GCA: variants seen among roughly 807,000 people sequenced by gnomAD.
The protein encoded by GCA is grancalcin, EF-hand calcium-binding protein.
In GCA, 30 loss-of-function variants were observed where a neutral mutation model predicts 32.6. The observed-to-expected ratio is 0.92, with a 90% CI of 0.69 to 1.25. The LOEUF (loss-of-function observed/expected upper bound fraction) is 1.25. GCA is among the 50% of genes most tolerant of loss of function. The pLI, the probability that GCA is intolerant of heterozygous loss-of-function variation, is 0.00. For missense variants in GCA, 291 were observed against 266.8 expected (o/e 1.09, Z -0.63); for synonymous variants, 102 against 84.6 (o/e 1.21, Z -1.13).
intron 1 of GCA, among the ~76,000 whole-genome samples, chr2:162,338,943 C>G (rs1359502779): frequency 1.3e-5 from 2 of 152,118 alleles, no homozygotes; most frequent in Non-Finnish European, 2.9e-5. Flanking sequence ...GCCTTGTTAA[C>G]AATTTTATGC....
Position 162,356,881 on chromosome 2 carries a change from T to C in GCA, c.430T>C (p.Leu144=), listed in dbSNP as rs1423271658. 9.9e-6 allele frequency: 16 copies of C among 1,609,174 alleles called. No homozygotes were observed. Among genetic ancestry groups the C allele is most frequent in the Admixed American group, 5.0e-5 (3 of 59,866 alleles). ...DGSGTVEHHE[L]RQAIGLMGYR... ...AAGTGGCACAGTAGAACATCATGAG[T>C]TGCGTCAAGCCATTGGTCTTATGGG... The change falls in exon 5 of 8, where the codon TTG becomes CTG. Residue 144 remains leucine, a synonymous_variant. Transcript: ENST00000437150.
chr2:162,320,055 A>G (rs773825995), intron 1 of GCA, among the ~76,000 whole-genome samples: 2 of 152,236 alleles, frequency 1.3e-5, no homozygotes, highest in Non-Finnish European at 2.9e-5. Flanking sequence ...ATATATTTAC[A>G]TAGTAACTAG....
At position 162,361,649 on chromosome 2, in the gene GCA, A is replaced by G. The variant is rs1376800204; in HGVS notation, c.*1406A>G. On this transcript the variant is annotated 3_prime_UTR_variant, in exon 8 of 8. Transcript: ENST00000437150. The stretch of plus-strand genomic sequence containing the variant: ...AGTCACTTGACACTGATAATTTTAT[A>G]TAATTTGCTGTCAAATTCACTTGGT... The G allele has an allele frequency of 2.0e-6, 2 of 984,292 alleles. No individual in the cohort carries two copies. Among genetic ancestry groups the G allele is most frequent in the Non-Finnish European group, 2.4e-6 (2 of 829,056 alleles). 61.0% of individuals were successfully genotyped at this position (984,292 alleles called of 1,614,324 possible).
chr2:162,357,119 A>C, intron 5 of GCA: 1 of 423,868 alleles, frequency 2.4e-6, no homozygotes, highest in Non-Finnish European at 4.3e-6. Flanking sequence ...TCTTCCATAC[A>C]TGCATACATT....
intron 2 of GCA, among the ~76,000 whole-genome samples, chr2:162,348,978 A>G (rs1576286079): frequency 1.3e-5 from 2 of 151,766 alleles, no homozygotes; most frequent in East Asian, 3.9e-4. Flanking sequence ...AAATTCCTAA[A>G]GGTTTCTTTT....
intron 1 of GCA, among the ~76,000 whole-genome samples, chr2:162,336,640 A>C (rs1166205356): frequency 4.0e-5 from 6 of 151,882 alleles, no homozygotes; most frequent in Non-Finnish European, 7.4e-5. Context: ...ACCTAAGTAT[A>C]TCTCTCTCTC....
At chr2:162,324,706 C>T (rs112802868) in intron 1 of GCA, among the ~76,000 whole-genome samples, 1,757 of 152,294 alleles carry the variant, frequency 0.012, 10 homozygotes, top group Admixed American at 0.017. Context: ...ATCACACCCT[C>T]CTCTACCCAG....
intron 5 of GCA, chr2:162,357,108 A>G (rs1377044449): frequency 5.6e-5 from 25 of 447,248 alleles, no homozygotes; most frequent in Non-Finnish European, 9.3e-5. Context: ...TCAAAAGATG[A>G]TCTTCCATAC....
chr2:162,352,853 G>A (rs530344127), intron 3 of GCA, among the ~76,000 whole-genome samples: 11 of 152,112 alleles, frequency 7.2e-5, no homozygotes, highest in Non-Finnish European at 1.6e-4. Context: ...ACTTTTGTTA[G>A]GTATGTTAGT....
chr2:162,327,643 G>A (rs941561408), intron 1 of GCA, among the ~76,000 whole-genome samples: 1 of 152,124 alleles, frequency 6.6e-6, no homozygotes, highest in African/African-American at 2.4e-5. Flanking sequence ...CTGCAGGCAC[G>A]CCTAGGCAGC....
downstream of GCA, among the ~76,000 whole-genome samples, chr2:162,367,624 G>A (rs963699534): frequency 1.3e-5 from 2 of 151,960 alleles, no homozygotes; most frequent in Non-Finnish European, 2.9e-5. Flanking sequence ...ATACAATTAA[G>A]AGAGATAAAA....
intron 2 of GCA, among the ~76,000 whole-genome samples, chr2:162,350,569 A>G (rs149496495): frequency 1.7e-4 from 26 of 152,280 alleles, no homozygotes; most frequent in East Asian, 7.7e-4. Flanking sequence ...GAATAATTCT[A>G]TTATCTCTGT....
chr2:162,342,426 T>A (rs1021007333), upstream of GCA, among the ~76,000 whole-genome samples: 1 of 152,224 alleles, frequency 6.6e-6, no homozygotes, highest in Non-Finnish European at 1.5e-5. Flanking sequence ...ACAGGCACCA[T>A]GAGCTTCATA....
At position 162,322,385 on chromosome 2, in the gene GCA, C is replaced by T. The variant is rs192452302; in HGVS notation, c.-31+3160C>T. On this transcript the variant is annotated intron_variant, in intron 1 of 4. Coordinates refer to the GCA transcript ENST00000429691. ...GCTAGATTGTAATTGTTTTATTTTA[C>T]TTTATTTATTTATTTATTTATTTAT... is the stretch of plus-strand genomic sequence containing the variant. 5.4e-3 allele frequency among the ~76,000 whole-genome samples: 806 copies of T among 148,956 alleles called. 7 individuals are homozygous for T. The highest frequency in any genetic ancestry group is 0.014 in the South Asian group (67 of 4,764).
chr2:162,353,610 G>C (rs992588257), intron 3 of GCA, among the ~76,000 whole-genome samples: 2 of 152,176 alleles, frequency 1.3e-5, no homozygotes, highest in African/African-American at 4.8e-5. Flanking sequence ...TAAAGGTATT[G>C]CTCCATTGTT....
downstream of GCA, among the ~76,000 whole-genome samples, chr2:162,367,510 G>A (rs183759366): frequency 2.4e-3 from 370 of 152,040 alleles, 3 homozygotes; most frequent in South Asian, 7.1e-3. Flanking sequence ...TACTTGGCAT[G>A]TATAACATCG....
At position 162,360,683 on chromosome 2, in the gene GCA, A is replaced by T; in HGVS notation, c.*440A>T. 1 of 1,342,670 alleles carries T rather than the reference A, an allele frequency of 7.4e-7. No individual in the cohort carries two copies. The highest frequency in any genetic ancestry group is 2.9e-5 in the East Asian group (1 of 34,982). 83.2% of individuals were successfully genotyped at this position (1,342,670 alleles called of 1,614,324 possible). ...TTGGTGGTGTTTGAGGGTTGGCTAGAAATGAAAGCCTGGATTTTGTGCCAT... is the reference window on the plus strand; with the variant it reads ...TTGGTGGTGTTTGAGGGTTGGCTAGTAATGAAAGCCTGGATTTTGTGCCAT... On this transcript the variant is annotated 3_prime_UTR_variant, in exon 8 of 8. Coordinates refer to ENST00000437150, the MANE Select transcript of GCA (RefSeq NM_012198.5).
chr2:162,325,389 G>A (rs749733547), intron 1 of GCA, among the ~76,000 whole-genome samples: 1 of 152,068 alleles, frequency 6.6e-6, no homozygotes, highest in Non-Finnish European at 1.5e-5. Flanking sequence ...TCTGCTCCTG[G>A]GGCCCATTTC....
Position 162,362,404 on chromosome 2 carries a change from A to T in GCA, c.*2161A>T. ...TACCAGAATTTTTATACTGAAATAC[A>T]GTTCACTTTTTCGATGCTTTAAAAA... On this transcript the variant is annotated 3_prime_UTR_variant, in exon 8 of 8. Transcript: ENST00000437150. 6 of 973,524 alleles carry T rather than the reference A, an allele frequency of 6.2e-6. No individual in the cohort carries two copies. Among genetic ancestry groups the T allele is most frequent in the Non-Finnish European group, 7.3e-6 (6 of 819,350 alleles). 60.3% of individuals were successfully genotyped at this position (973,524 alleles called of 1,614,324 possible).
Sources: allele counts gnomAD v4.1 joint callset (sites outside exome capture counted in the v4.1 genomes callset), GRCh38; gene constraint gnomAD v4.1.1; transcripts MANE v1.5; gene names NCBI Gene and HGNC (gene_info 2026-07-23, HGNC 2026-07-21).